Variants in STK24 observed in about 807,000 individuals in gnomAD.
STK24 encodes serine/threonine kinase 24.
A neutral mutation model predicts 55.6 loss-of-function variants in STK24; 21 were observed. The observed-to-expected ratio is 0.38, with a 90% CI of 0.27 to 0.54. STK24 has a LOEUF of 0.54. Among genes scored for constraint, STK24 ranks in the 20% least tolerant of loss-of-function variants. The probability of loss-of-function intolerance (pLI) is 0.79; values close to 1 mark genes in which losing one functional copy is unlikely to be tolerated. For missense variants in STK24, 383 were observed against 538.4 expected, an observed-to-expected ratio of 0.71 and a Z score of 2.86; for synonymous variants, 200 against 215.2, an observed-to-expected ratio of 0.93 and a Z score of 0.62.
Position 98,446,810 on chromosome 13 carries a change from T to G in STK24, c.*6363A>C. On this transcript the variant is annotated 3_prime_UTR_variant, in exon 11 of 11. Transcript: ENST00000539966. The stretch of plus-strand genomic sequence containing the variant: ...CTTCAGGGCGGAAAGCGAGTACACG[T>G]TCGAAAGGTAGACACCCCCTTCCCA... The G allele has an allele frequency of 6.2e-7, 1 of 1,613,852 alleles. No individual in the cohort carries two copies. Among genetic ancestry groups the G allele is most frequent in the Non-Finnish European group, 8.5e-7 (1 of 1,179,938 alleles).
chr13:98,545,569 G>A (rs1244682733), intron 1 of STK24, among the ~76,000 whole-genome samples: 3 of 150,470 alleles, frequency 2.0e-5, no homozygotes, highest in Non-Finnish European at 4.4e-5. Flanking sequence ...GGGAGGCAGA[G>A]CTTGCAGTGA....
intron 2 of STK24, among the ~76,000 whole-genome samples, chr13:98,493,470 C>A (rs1283285554): frequency 6.6e-6 from 1 of 151,838 alleles, no homozygotes; most frequent in Admixed American, 6.6e-5. Flanking sequence ...GAAAAAGTAC[C>A]CTGGGAGGCA....
chr13:98,490,886 G>A (rs1895004849), intron 2 of STK24, among the ~76,000 whole-genome samples: 1 of 151,456 alleles, frequency 6.6e-6, no homozygotes. Flanking sequence ...TGTCACTACT[G>A]ATTGCCTACT....
intron 2 of STK24, among the ~76,000 whole-genome samples, chr13:98,513,553 T>A (rs1315270367): frequency 6.6e-6 from 1 of 152,156 alleles, no homozygotes; most frequent in African/African-American, 2.4e-5. Context: ...AGGTACACAG[T>A]GCCAGATCTA....
At chr13:98,476,247 C>A (rs1275742915) in intron 3 of STK24, among the ~76,000 whole-genome samples, 1 of 147,414 alleles carries the variant, frequency 6.8e-6, no homozygotes, top group East Asian at 2.0e-4. Flanking sequence ...GAAGCCCCCC[C>A]CCGCCCCCTG....
At chr13:98,483,837 T>C (rs560599935) in intron 2 of STK24, among the ~76,000 whole-genome samples, 2 of 152,308 alleles carry the variant, frequency 1.3e-5, no homozygotes, top group South Asian at 4.1e-4. Context: ...TGCACTGCAT[T>C]TATAAAATAC....
chr13:98,499,690 A>G (rs1895376431), intron 2 of STK24, among the ~76,000 whole-genome samples: 2 of 152,212 alleles, frequency 1.3e-5, no homozygotes, highest in Non-Finnish European at 2.9e-5. Flanking sequence ...AGCAGTGATC[A>G]GTAGCCGAGG....
chr13:98,506,657 T>C (rs1254664247), intron 2 of STK24, among the ~76,000 whole-genome samples: 1 of 152,136 alleles, frequency 6.6e-6, no homozygotes, highest in African/African-American at 2.4e-5. Flanking sequence ...CGGATCTATG[T>C]CAAAGTGGGG....
At chr13:98,454,547 T>C (rs1893360443) in intron 10 of STK24, 1 of 152,080 alleles carries the variant, frequency 6.6e-6, no homozygotes, top group Admixed American at 6.6e-5. Flanking sequence ...TATCAAGAAA[T>C]ACAAATGACT....
chr13:98,502,935 T>G (rs1476629805), intron 2 of STK24, among the ~76,000 whole-genome samples: 2 of 151,622 alleles, frequency 1.3e-5, no homozygotes, highest in East Asian at 3.9e-4. Flanking sequence ...CTGAGAGGAC[T>G]ACTACCTGTG....
chr13:98,477,231 G>A (rs184632583), intron 3 of STK24, among the ~76,000 whole-genome samples: 2 of 152,224 alleles, frequency 1.3e-5, no homozygotes, highest in African/African-American at 4.8e-5. Flanking sequence ...AGTGTTCATA[G>A]AATGTAGAAA....
intron 3 of STK24, among the ~76,000 whole-genome samples, chr13:98,479,337 A>G (rs2139297660): frequency 6.6e-6 from 1 of 152,370 alleles, no homozygotes; most frequent in African/African-American, 2.4e-5. Context: ...AAATATGTGC[A>G]TTCAAAATAA....
chr13:98,519,554 T>C, intron 1 of STK24, 81 bp from the exon 2 acceptor site: 1 of 1,081,102 alleles, frequency 9.2e-7, no homozygotes. Flanking sequence ...TGTGTAATGT[T>C]ATAGACCACA....
chr13:98,560,788 C>T (rs1897397391), intron 1 of STK24, among the ~76,000 whole-genome samples: 1 of 151,106 alleles, frequency 6.6e-6, no homozygotes, highest in African/African-American at 2.4e-5. Flanking sequence ...GGCTGAGGCA[C>T]GAAAACTGCT....
chr13:98,447,729 G>T lies in STK24; in HGVS notation c.*5444C>A, dbSNP rs1321082641. On this transcript the variant is annotated 3_prime_UTR_variant, in exon 11 of 11. Coordinates refer to ENST00000539966, the MANE Select transcript of STK24 (RefSeq NM_001032296.4). The stretch of plus-strand genomic sequence containing the variant: ...TTGGGCGTGGTGGTGCAAGCCTGTA[G>T]TCCCATCTCCTGGGAGGCCAAGGCT... 1 of 157,184 alleles carries T rather than the reference G, an allele frequency of 6.4e-6. No individual in the cohort carries two copies. The highest frequency in any genetic ancestry group is 6.3e-5 in the Admixed American group (1 of 15,944). The allele number at this position is 157,184 out of a possible 1,614,324, so 9.7% of individuals were successfully genotyped here.
At chr13:98,535,950 G>T (rs1357782815) in intron 1 of STK24, among the ~76,000 whole-genome samples, 5 of 152,202 alleles carry the variant, frequency 3.3e-5, no homozygotes, top group Non-Finnish European at 7.3e-5. Flanking sequence ...GCAATGATGA[G>T]TATCAGGAAA....
At chr13:98,498,976 C>T (rs1594613977) in intron 2 of STK24, among the ~76,000 whole-genome samples, 2 of 151,686 alleles carry the variant, frequency 1.3e-5, no homozygotes, top group South Asian at 2.1e-4. Context: ...CAGGCAGGCA[C>T]GGTGGCTCAT....
rs1594555551 is a variant in STK24 at position 98,448,410 on chromosome 13, C to T, written c.*4763G>A. 5.8e-6 allele frequency: 6 copies of T among 1,043,440 alleles called. No homozygotes were observed. The East Asian group carries it at 1.4e-4, about 25-fold the overall frequency. 64.6% of individuals were successfully genotyped at this position (1,043,440 alleles called of 1,614,324 possible). A position where few individuals can be genotyped will look rare whatever the true frequency, so the allele number is the denominator to read the frequency against. ...GAAGCCTGGTAAAATTAACACCTGT[C>T]TGAAAATCAAAAACATGGCTTCCCA... On this transcript the variant is annotated 3_prime_UTR_variant, in exon 11 of 11. Transcript: ENST00000539966.
chr13:98,485,054 T>C (rs911627484), intron 2 of STK24, among the ~76,000 whole-genome samples: 2 of 152,106 alleles, frequency 1.3e-5, no homozygotes, highest in African/African-American at 4.8e-5. Context: ...GGGTGGGATA[T>C]TGCATCAGGA....
Sources: gnomAD v4.1 joint callset for allele counts (sites outside exome capture counted in the v4.1 genomes callset) on GRCh38, gnomAD v4.1.1 for gene constraint, MANE v1.5 for transcripts, NCBI Gene and HGNC (gene_info 2026-07-23, HGNC 2026-07-21) for gene names.